Variants in UBE2W observed in about 807,000 individuals in gnomAD.
UBE2W encodes the protein ubiquitin-conjugating enzyme E2 W.
A neutral mutation model predicts 27.2 loss-of-function variants in UBE2W; 18 were observed. That is an observed-to-expected ratio of 0.66 (90% CI 0.46 to 0.98). The LOEUF (loss-of-function observed/expected upper bound fraction) is 0.98, where lower values mean the gene tolerates loss of function less well. UBE2W is among the 50% of genes least tolerant of loss of function. The pLI is 0.00. For synonymous variants in UBE2W, 53 were observed against 57.2 expected (o/e 0.93, Z 0.33); for missense variants, 90 against 180.2 (o/e 0.50, Z 2.87).
At position 73,789,307 on chromosome 8, in the gene UBE2W, TAAAAAAAAAAAAAAAAAAAAA is replaced by T. The variant is rs10652083; in HGVS notation, c.*4774_*4794del. The T allele has an allele frequency of 2.7e-4, 11 of 40,042 alleles. No individual in the cohort carries two copies. Among genetic ancestry groups the T allele is most frequent in the South Asian group, 3.2e-3 (2 of 626 alleles). The allele number at this position is 40,042 out of a possible 1,614,324, so 2.5% of individuals were successfully genotyped here. A position where few individuals can be genotyped will look rare whatever the true frequency, so the allele number is the denominator to read the frequency against. ...GCAACATGGTGAGACCTCGTGTCTTTAAAAAAAAAAAAAAAAAAAAAAAAAAAAAAAAAAATTCTATCCATC... is the reference window on the plus strand; with the variant it reads ...GCAACATGGTGAGACCTCGTGTCTTTAAAAAAAAAAAAAATTCTATCCATC... On this transcript the variant is annotated 3_prime_UTR_variant, in exon 6 of 6. Transcript: ENST00000602593.
chr8:73,787,060 T>C lies in UBE2W; in HGVS notation c.*7042A>G. The C allele has an allele frequency of 1.0e-6, 1 of 985,454 alleles. No individual in the cohort carries two copies. The highest frequency in any genetic ancestry group is 1.2e-6 in the Non-Finnish European group (1 of 829,932). 61.0% of individuals were successfully genotyped at this position (985,454 alleles called of 1,614,324 possible). On this transcript the variant is annotated 3_prime_UTR_variant, in exon 6 of 6. Coordinates refer to ENST00000602593, the MANE Select transcript of UBE2W (RefSeq NM_018299.6). ...ATTTCCTACCTTAGTTGATAAACTT[T>C]CCTTATTATTTCCATAATCCACTTA...
chr8:73,875,204 T>C (rs1012027400), intron 1 of UBE2W, among the ~76,000 whole-genome samples: 1 of 152,212 alleles, frequency 6.6e-6, no homozygotes, highest in African/African-American at 2.4e-5. Context: ...TTGAATTGTA[T>C]ATGGCAGAAC....
At chr8:73,809,910 TC>T (rs1809080181) in intron 4 of UBE2W, among the ~76,000 whole-genome samples, 1 of 151,794 alleles carries the variant, frequency 6.6e-6, no homozygotes, top group Non-Finnish European at 1.5e-5. Flanking sequence ...TGATTTTTTT[TC>T]TTTTTGTTTT....
At chr8:73,878,239 G>C (rs940192115) in intron 1 of UBE2W, among the ~76,000 whole-genome samples, 8 of 152,230 alleles carry the variant, frequency 5.3e-5, no homozygotes, top group Non-Finnish European at 7.3e-5. Flanking sequence ...ACGGGCACAG[G>C]ATTAAGAGTC....
In UBE2W at chr8:73,791,219, A is replaced by G; in HGVS notation, c.*2883T>C. ...TTAAAAAATTCTCTTAAAAACTGAA[A>G]ACAATCCTTCTCTCTAAACCTATGG... On this transcript the variant is annotated 3_prime_UTR_variant, in exon 6 of 6. Transcript: ENST00000602593. 1.0e-6 allele frequency: 1 copy of G among 984,748 alleles called. No homozygotes were observed. Among genetic ancestry groups the G allele is most frequent in the Non-Finnish European group, 1.2e-6 (1 of 829,518 alleles). 61.0% of individuals were successfully genotyped at this position (984,748 alleles called of 1,614,324 possible).
chr8:73,787,618 C>T lies in UBE2W; in HGVS notation c.*6484G>A, dbSNP rs1808010530. On this transcript the variant is annotated 3_prime_UTR_variant, in exon 6 of 6. Transcript: ENST00000602593. ...CTGCAGAAAAGCTTAGAATTACCAG[C>T]AGAGCATATTTAATTCCTCCTGTCA... The T allele has an allele frequency of 1.0e-6, 1 of 985,282 alleles. No individual in the cohort carries two copies. The highest frequency in any genetic ancestry group is 1.2e-6 in the Non-Finnish European group (1 of 829,934). 61.0% of individuals were successfully genotyped at this position (985,282 alleles called of 1,614,324 possible).
intron 1 of UBE2W, among the ~76,000 whole-genome samples, chr8:73,846,479 A>G (rs965221754): frequency 1.3e-5 from 2 of 152,214 alleles, no homozygotes; most frequent in Non-Finnish European, 2.9e-5. Context: ...AATTTTTTAT[A>G]AAGCAGCACA....
At chr8:73,846,049 A>C (rs1285201718) in intron 1 of UBE2W, among the ~76,000 whole-genome samples, 1 of 152,246 alleles carries the variant, frequency 6.6e-6, no homozygotes, top group African/African-American at 2.4e-5. Context: ...TAAAGTGTGT[A>C]CATCTAAACA....
At chr8:73,856,766 T>C (rs1737073746) in intron 1 of UBE2W, among the ~76,000 whole-genome samples, 1 of 151,762 alleles carries the variant, frequency 6.6e-6, no homozygotes, top group Non-Finnish European at 1.5e-5. Context: ...AGTGCAGTGG[T>C]GTGATCTCGG....
chr8:73,873,347 T>C (rs1174297886), intron 1 of UBE2W, among the ~76,000 whole-genome samples: 1 of 152,184 alleles, frequency 6.6e-6, no homozygotes, highest in East Asian at 1.9e-4. Context: ...TCAATCACTA[T>C]AGCCAATTAC....
intron 3 of UBE2W, among the ~76,000 whole-genome samples, chr8:73,812,621 A>AT (rs1809196346): frequency 6.6e-6 from 1 of 152,198 alleles, no homozygotes; most frequent in Non-Finnish European, 1.5e-5. Context: ...TGAGGTATTC[A>AT]TTTTGCCATA....
In UBE2W at chr8:73,860,511, A is replaced by C. The variant is rs1191197913; in HGVS notation, c.15+18297T>G. The stretch of plus-strand genomic sequence containing the variant: ...ACTGCCCTCATTGAGTTAAAAATCT[A>C]ATAAAGACAAAGTGTCTTTATAATA... On this transcript the variant is annotated intron_variant, in intron 1 of 5. Coordinates refer to ENST00000602593, the MANE Select transcript of UBE2W (RefSeq NM_018299.6). Among the ~76,000 whole-genome samples the C allele has an allele frequency of 2.0e-5, 3 of 152,176 alleles. No homozygotes were observed. The East Asian group carries it at 5.8e-4, about 29-fold the overall frequency.
chr8:73,873,577 G>C (rs913689716), intron 1 of UBE2W, among the ~76,000 whole-genome samples: 1 of 152,176 alleles, frequency 6.6e-6, no homozygotes, highest in African/African-American at 2.4e-5. Context: ...GATCACCCGA[G>C]CCTGGGAGGA....
At chr8:73,798,116 C>A (rs1368037191) in intron 5 of UBE2W, among the ~76,000 whole-genome samples, 1 of 152,064 alleles carries the variant, frequency 6.6e-6, no homozygotes, top group Non-Finnish European at 1.5e-5. Flanking sequence ...AGTGAAATCC[C>A]ATCTATACCC....
intron 1 of UBE2W, among the ~76,000 whole-genome samples, chr8:73,878,389 G>A (rs923054055): frequency 6.6e-6 from 1 of 152,146 alleles, no homozygotes; most frequent in African/African-American, 2.4e-5. Context: ...TCAGCCCCCC[G>A]CCGCCCCTGC....
intron 2 of UBE2W, among the ~76,000 whole-genome samples, chr8:73,825,647 A>T (rs1290882023): frequency 6.6e-6 from 1 of 152,160 alleles, no homozygotes; most frequent in Non-Finnish European, 1.5e-5. Context: ...CTAAAAATAC[A>T]AAAATTAGCC....
intron 1 of UBE2W, among the ~76,000 whole-genome samples, chr8:73,877,185 T>C (rs908290232): frequency 6.6e-6 from 1 of 152,250 alleles, no homozygotes; most frequent in Non-Finnish European, 1.5e-5. Flanking sequence ...TAAAAAATGT[T>C]TTAATCTTAA....
intron 1 of UBE2W, among the ~76,000 whole-genome samples, chr8:73,856,539 A>G (rs1811310160): frequency 6.8e-6 from 1 of 147,222 alleles, no homozygotes; most frequent in African/African-American, 2.6e-5. Context: ...TAATTTTTGT[A>G]TTTTTTGTAG....
downstream of UBE2W, among the ~76,000 whole-genome samples, chr8:73,781,633 T>A (rs1025170845): frequency 4.6e-5 from 7 of 151,060 alleles, no homozygotes; most frequent in African/African-American, 1.2e-4. Flanking sequence ...TTTTTTTTTT[T>A]TTTTATTTTT....
Sources: gnomAD v4.1 joint callset for allele counts (sites outside exome capture counted in the v4.1 genomes callset) on GRCh38, gnomAD v4.1.1 for gene constraint, MANE v1.5 for transcripts, NCBI Gene and HGNC (gene_info 2026-07-23, HGNC 2026-07-21) for gene names.